LINGO2: variants seen among roughly 807,000 people sequenced by gnomAD.
LINGO2 encodes the protein leucine rich repeat and Ig domain containing 2.
Under a neutral mutation model 30.6 loss-of-function variants are expected in LINGO2, and 14 were observed. The observed-to-expected ratio is 0.46, with a 90% CI of 0.30 to 0.72. LINGO2 has a LOEUF of 0.72. LINGO2 is among the 30% of genes least tolerant of loss of function. The pLI, the probability that LINGO2 is intolerant of heterozygous loss-of-function variation, is 0.07. For synonymous variants in LINGO2, 317 were observed against 288.5 expected, an observed-to-expected ratio of 1.10 and a Z score of -1.00; for missense variants, 729 against 751.7, an observed-to-expected ratio of 0.97 and a Z score of 0.35.
At chr9:28,246,233 G>A (rs1005643050) in intron 4 of LINGO2, among the ~76,000 whole-genome samples, 1 of 152,102 alleles carries the variant, frequency 6.6e-6, no homozygotes, top group African/African-American at 2.4e-5. Flanking sequence ...AGACCAGCCT[G>A]ACCAACATGG....
intron 4 of LINGO2, among the ~76,000 whole-genome samples, chr9:28,015,332 T>C (rs2778422): frequency 0.99 from 150,809 of 152,210 alleles, 74,726 homozygotes; most frequent in Middle Eastern, 1. Flanking sequence ...TACATGGAGC[T>C]TACAAATTTT....
At chr9:28,430,163 A>C (rs1564194119) in intron 2 of LINGO2, among the ~76,000 whole-genome samples, 1 of 151,792 alleles carries the variant, frequency 6.6e-6, no homozygotes, top group Non-Finnish European at 1.5e-5. Context: ...TCTTAGTTTC[A>C]TTTCAATGAT....
At chr9:28,569,620 G>C (rs1823572241) in intron 1 of LINGO2, among the ~76,000 whole-genome samples, 2 of 126,696 alleles carry the variant, frequency 1.6e-5, no homozygotes, top group East Asian at 2.8e-4. Flanking sequence ...GTTACCAGGG[G>C]CTGGGGGGTA....
chr9:28,068,145 TCATGTAGTGTATGCATATA>T (rs1293730679), intron 4 of LINGO2, among the ~76,000 whole-genome samples: 1 of 152,170 alleles, frequency 6.6e-6, no homozygotes, highest in Non-Finnish European at 1.5e-5. Flanking sequence ...TTTTTTCTTT[TCATGTAGTGTATGCATATA>T]CACTGTCTTA....
chr9:28,820,638 C>A, the LINGO2 span, among the ~76,000 whole-genome samples: 1 of 152,160 alleles, frequency 6.6e-6, no homozygotes, highest in Non-Finnish European at 1.5e-5. Context: ...AAACATAATT[C>A]ACAAATATAA....
chr9:28,093,091 G>A (rs143275298), intron 4 of LINGO2, among the ~76,000 whole-genome samples: 2 of 152,160 alleles, frequency 1.3e-5, no homozygotes, highest in African/African-American at 4.8e-5. Context: ...CTAAGTACAT[G>A]TTTTTTATCT....
intron 1 of LINGO2, among the ~76,000 whole-genome samples, chr9:28,638,121 G>A (rs530545887): frequency 1.3e-5 from 2 of 152,184 alleles, no homozygotes; most frequent in Admixed American, 6.6e-5. Flanking sequence ...ACTGGATTAC[G>A]TTTATTGATT....
At chr9:28,906,982 A>G in the LINGO2 span, among the ~76,000 whole-genome samples, 1 of 151,962 alleles carries the variant, frequency 6.6e-6, no homozygotes, top group East Asian at 1.9e-4. Context: ...AAACTCACCT[A>G]AAGCAAATTT....
the LINGO2 span, among the ~76,000 whole-genome samples, chr9:28,675,307 TTGAA>T: frequency 6.6e-6 from 1 of 152,152 alleles, no homozygotes; most frequent in East Asian, 1.9e-4. Context: ...AAAGGTTAAA[TTGAA>T]TGCAATGGTA....
chr9:28,276,982 A>G (rs949836687), intron 4 of LINGO2, among the ~76,000 whole-genome samples: 1 of 152,098 alleles, frequency 6.6e-6, no homozygotes, highest in African/African-American at 2.4e-5. Context: ...ATCCCCTCTA[A>G]TGTTCAAGGC....
chr9:28,065,422 C>A lies in LINGO2; in HGVS notation c.-86-53017G>T, dbSNP rs1825283503. Reference sequence around the variant, plus strand: ...TGTGAATAAGAGGGTGGGGGATGGTCAGGAATCATATAAAAGATCACATAT... The same window carrying A: ...TGTGAATAAGAGGGTGGGGGATGGTAAGGAATCATATAAAAGATCACATAT... On this transcript the variant is annotated intron_variant, in intron 4 of 5. Coordinates refer to ENST00000379992, the Ensembl canonical transcript of LINGO2. Among the ~76,000 whole-genome samples the A allele has an allele frequency of 3.3e-5, 3 of 91,978 alleles. No individual in the cohort carries two copies. In the South Asian group the frequency reaches 1.5e-3, roughly 46 times the overall value. 60.3% of individuals were successfully genotyped at this position (91,978 alleles called of 152,430 possible). A position where few individuals can be genotyped will look rare whatever the true frequency, so the allele number is the denominator to read the frequency against.
At chr9:28,403,035 G>A (rs773854499) in intron 2 of LINGO2, among the ~76,000 whole-genome samples, 3 of 152,020 alleles carry the variant, frequency 2.0e-5, no homozygotes, top group Non-Finnish European at 4.4e-5. Context: ...TAGGGTTTTT[G>A]TGAAAAATAA....
At chr9:28,293,532 A>G (rs1823813720) in intron 4 of LINGO2, among the ~76,000 whole-genome samples, 1 of 152,152 alleles carries the variant, frequency 6.6e-6, no homozygotes, top group Non-Finnish European at 1.5e-5. Context: ...AATATTACCT[A>G]TGCAGTTGAA....
At chr9:28,796,016 AC>A in the LINGO2 span, among the ~76,000 whole-genome samples, 1 of 150,708 alleles carries the variant, frequency 6.6e-6, no homozygotes, top group Non-Finnish European at 1.5e-5. Context: ...ACACACACAC[AC>A]AATTCAGGAA....
At chr9:29,019,019 A>G in the LINGO2 span, among the ~76,000 whole-genome samples, 1 of 152,178 alleles carries the variant, frequency 6.6e-6, no homozygotes, top group African/African-American at 2.4e-5. Flanking sequence ...TAGGTGACCT[A>G]TAAACGTAAC....
intron 2 of LINGO2, among the ~76,000 whole-genome samples, chr9:28,432,621 C>T (rs1823723486): frequency 6.6e-6 from 1 of 152,012 alleles, no homozygotes; most frequent in Non-Finnish European, 1.5e-5. Flanking sequence ...ATTGCAGCTT[C>T]AGGGCTAATA....
chr9:28,763,796 G>C, the LINGO2 span, among the ~76,000 whole-genome samples: 1 of 151,560 alleles, frequency 6.6e-6, no homozygotes, highest in Non-Finnish European at 1.5e-5. Context: ...GAGGAAGAGA[G>C]AGAGAGAGAG....
intron 4 of LINGO2, among the ~76,000 whole-genome samples, chr9:28,245,639 T>C (rs965976246): frequency 1.2e-4 from 18 of 152,172 alleles, no homozygotes; most frequent in Admixed American, 1.0e-3. Context: ...AGAATTCCTA[T>C]ACAACAACAA....
chr9:28,665,095 G>A (rs1052362300), intron 1 of LINGO2, among the ~76,000 whole-genome samples: 2 of 144,710 alleles, frequency 1.4e-5, no homozygotes, highest in African/African-American at 5.0e-5. Context: ...ATACATTCAT[G>A]AAAATGTGTT....
Sources: allele counts gnomAD v4.1 joint callset (sites outside exome capture counted in the v4.1 genomes callset), GRCh38; gene constraint gnomAD v4.1.1; transcripts MANE v1.5; gene names NCBI Gene and HGNC (gene_info 2026-07-23, HGNC 2026-07-21).